The following LRRC7 variants were observed in gnomAD, a reference collection of about 807,000 sequenced individuals.
The protein encoded by LRRC7 is leucine rich repeat containing 7.
Under a neutral mutation model 175.7 loss-of-function variants are expected in LRRC7, and 23 were observed. That is an observed-to-expected ratio of 0.13 (90% CI 0.09 to 0.19). The LOEUF is 0.19. Ranked by LOEUF, LRRC7 falls within the 10% of genes least tolerant of loss-of-function variation. The probability of loss-of-function intolerance (pLI) is 1.00; values close to 1 mark genes in which losing one functional copy is unlikely to be tolerated. For missense variants in LRRC7, 1,354 were observed against 1,904.7 expected (o/e 0.71, Z 5.38); for synonymous variants, 685 against 680.9 (o/e 1.01, Z -0.09).
chr1:69,979,941 A>G (rs1053448005), intron 8 of LRRC7, among the ~76,000 whole-genome samples: 5 of 151,980 alleles, frequency 3.3e-5, no homozygotes, highest in African/African-American at 1.2e-4. Flanking sequence ...TTTGTGTGCA[A>G]GGCGCTAATA....
intron 1 of LRRC7, among the ~76,000 whole-genome samples, chr1:69,671,162 C>T (rs1174362256): frequency 3.3e-5 from 5 of 152,146 alleles, no homozygotes; most frequent in Non-Finnish European, 5.9e-5. Context: ...CCTGAGGCCA[C>T]AGCATAGTAT....
intron 8 of LRRC7, among the ~76,000 whole-genome samples, chr1:69,953,557 C>T (rs1465227646): frequency 2.0e-5 from 3 of 152,042 alleles, no homozygotes; most frequent in Non-Finnish European, 4.4e-5. Context: ...TTTGGGAACC[C>T]ACTGTGGTTT....
chr1:69,842,999 G>A (rs1681903200), intron 7 of LRRC7, among the ~76,000 whole-genome samples: 1 of 152,022 alleles, frequency 6.6e-6, no homozygotes, highest in African/African-American at 2.4e-5. Flanking sequence ...AGGAGTTTGA[G>A]ACCAGCCTGG....
At chr1:69,772,750 T>C (rs1672377035) in intron 3 of LRRC7, among the ~76,000 whole-genome samples, 2 of 152,052 alleles carry the variant, frequency 1.3e-5, no homozygotes, top group Non-Finnish European at 2.9e-5. Context: ...ATTTGGGAGA[T>C]AGGAGATTAG....
intron 1 of LRRC7, among the ~76,000 whole-genome samples, chr1:69,569,479 A>T (rs1489010883): frequency 6.6e-6 from 1 of 151,820 alleles, no homozygotes; most frequent in African/African-American, 2.4e-5. Flanking sequence ...ACGTGGAAAG[A>T]GGGAGGGAAG....
chr1:69,869,518 A>G (rs1018682208), intron 7 of LRRC7, among the ~76,000 whole-genome samples: 3 of 152,198 alleles, frequency 2.0e-5, no homozygotes, highest in African/African-American at 7.2e-5. Context: ...ACTCTGAAGC[A>G]CAAAGACAGA....
chr1:69,723,061 A>G lies in LRRC7; in HGVS notation c.101-37130A>G, dbSNP rs181011976. Among the ~76,000 whole-genome samples, 558 of 152,186 alleles carry G rather than the reference A, an allele frequency of 3.7e-3. 1 individual carries two copies. The highest frequency in any genetic ancestry group is 4.5e-3 in the Non-Finnish European group (307 of 67,964). On this transcript the variant is annotated intron_variant, in intron 2 of 26. Coordinates refer to ENST00000651989, the MANE Select transcript of LRRC7 (RefSeq NM_001370785.2). ...AAGACATCTTTTGTTTTTGTAATGCAATGAACTATTTAATTCTATTATATG... is the reference window on the plus strand; with the variant it reads ...AAGACATCTTTTGTTTTTGTAATGCGATGAACTATTTAATTCTATTATATG...
Position 70,135,879 on chromosome 1 carries a change from A to G in LRRC7, c.*13992A>G, listed in dbSNP as rs144655102. Among the ~76,000 whole-genome samples, 5 of 152,342 alleles carry G rather than the reference A, an allele frequency of 3.3e-5. No homozygotes were observed. Among genetic ancestry groups the G allele is most frequent in the African/African-American group, 9.6e-5 (4 of 41,588 alleles). ...AGAATCGTTTGACTAAGCAACGGGT[A>G]TCTTGCACTTGATAGGTTCTCACAG... On this transcript the variant is annotated 3_prime_UTR_variant, in exon 27 of 27. Coordinates refer to ENST00000651989, the MANE Select transcript of LRRC7 (RefSeq NM_001370785.2).
rs765357966 is a variant in LRRC7 at position 70,023,172 on chromosome 1, C to T, written c.1592C>T (p.Thr531Ile). Residue 531 changes from threonine (T) to isoleucine (I), a missense_variant, in exon 17 of 27, where the codon ACT (threonine) becomes ATT (isoleucine). Transcript: ENST00000651989. Reference sequence around the variant, plus strand: ...TGGGAAAGGGGCCAGCGTGGGATTACTCTCCAACCTGCCAGACTGTCTGGC... The same window carrying T: ...TGGGAAAGGGGCCAGCGTGGGATTATTCTCCAACCTGCCAGACTGTCTGGC... ...APWERGQRGI[T>I]LQPARLSGDC... The T allele has an allele frequency of 1.3e-6, 2 of 1,534,148 alleles. No homozygotes were observed. The highest frequency in any genetic ancestry group is 2.6e-5 in the South Asian group (2 of 78,328).
rs997951133 is a variant in LRRC7 at position 70,133,795 on chromosome 1, T to C, written c.*11908T>C. The stretch of plus-strand genomic sequence containing the variant: ...ATTATACCCACCAGTTTAATAGTTC[T>C]TCTCTAACTTGTGTTTTCCAAATAT... On this transcript the variant is annotated 3_prime_UTR_variant, in exon 27 of 27. Transcript: ENST00000651989. Among the ~76,000 whole-genome samples, 1 of 152,218 alleles carries C rather than the reference T, an allele frequency of 6.6e-6. No homozygotes were observed. Among genetic ancestry groups the C allele is most frequent in the African/African-American group, 2.4e-5 (1 of 41,448 alleles).
chr1:70,015,462 G>A (rs1288020108), intron 13 of LRRC7, among the ~76,000 whole-genome samples: 1 of 151,994 alleles, frequency 6.6e-6, no homozygotes, highest in Non-Finnish European at 1.5e-5. Context: ...ATACATTAAA[G>A]ACAAGGAAAT....
rs576772859 is a variant in LRRC7, at chr1:69,759,366, C to T, written c.101-825C>T. Among the ~76,000 whole-genome samples, 12 of 151,944 alleles carry T rather than the reference C, an allele frequency of 7.9e-5. 1 individual carries two copies. Among genetic ancestry groups the T allele is most frequent in the African/African-American group, 2.7e-4 (11 of 41,488 alleles). On this transcript the variant is annotated intron_variant, in intron 2 of 26. Coordinates refer to ENST00000651989, the MANE Select transcript of LRRC7 (RefSeq NM_001370785.2). ...CCTTACTGTTTAGGAGGAAAAAATA[C>T]ATGAAAAACAGTAGATTGAATAAAA...
At chr1:69,709,922 G>A (rs1307945010) in intron 2 of LRRC7, among the ~76,000 whole-genome samples, 1 of 152,104 alleles carries the variant, frequency 6.6e-6, no homozygotes, top group African/African-American at 2.4e-5. Context: ...ACAACTATGT[G>A]TATGGATATA....
chr1:70,107,052 G>A (rs1665195719), intron 25 of LRRC7, among the ~76,000 whole-genome samples: 1 of 152,080 alleles, frequency 6.6e-6, no homozygotes, highest in African/African-American at 2.4e-5. Context: ...TCTATATCAT[G>A]AGCCATCCAG....
intron 2 of LRRC7, among the ~76,000 whole-genome samples, chr1:69,753,296 A>ATATG (rs1553151117): frequency 1.3e-3 from 195 of 146,332 alleles, no homozygotes; most frequent in African/African-American, 4.7e-3. Flanking sequence ...GTGTGTGTGT[A>ATATG]TGTGTGTGTG....
chr1:69,597,709 T>C (rs577670988), intron 1 of LRRC7, among the ~76,000 whole-genome samples: 23 of 152,312 alleles, frequency 1.5e-4, no homozygotes, highest in South Asian at 1.2e-3. Context: ...TCAGAATGGA[T>C]GTAGATACAA....
At chr1:69,640,368 A>AACTTTTTGACTTGTGTAATAGAT (rs976484299) in intron 1 of LRRC7, among the ~76,000 whole-genome samples, 2 of 151,650 alleles carry the variant, frequency 1.3e-5, no homozygotes, top group African/African-American at 4.8e-5. Context: ...AAACAGTGTA[A>AACTTTTTGACTTGTGTAATAGAT]ACTTTTTGAC....
intron 2 of LRRC7, among the ~76,000 whole-genome samples, chr1:69,711,258 GCTCT>G (rs1336033951): frequency 3.9e-5 from 6 of 152,252 alleles, no homozygotes; most frequent in South Asian, 4.1e-4. Flanking sequence ...ATCTAAATAT[GCTCT>G]CTATCACAAT....
At chr1:70,050,253 C>T (rs1660651110) in intron 22 of LRRC7, among the ~76,000 whole-genome samples, 1 of 152,058 alleles carries the variant, frequency 6.6e-6, no homozygotes, top group Non-Finnish European at 1.5e-5. Flanking sequence ...CAAATAGACA[C>T]TTGTGATCAT....
Sources: allele counts gnomAD v4.1 joint callset (sites outside exome capture counted in the v4.1 genomes callset), GRCh38; gene constraint gnomAD v4.1.1; transcripts MANE v1.5; gene names NCBI Gene and HGNC (gene_info 2026-07-23, HGNC 2026-07-21).